PIP5K1B: variants seen among roughly 807,000 people sequenced by gnomAD.
PIP5K1B encodes the protein phosphatidylinositol 4-phosphate 5-kinase type-1 beta.
PIP5K1B carries 42 observed loss-of-function variants against 67.0 expected under a neutral mutation model. The ratio of observed to expected loss-of-function variants is 0.63; its 90% confidence interval spans 0.49 to 0.81. The LOEUF is 0.81. Among genes scored for constraint, PIP5K1B ranks in the 30% least tolerant of loss-of-function variants. The probability of loss-of-function intolerance (pLI) is 0.00; values close to 1 mark genes in which losing one functional copy is unlikely to be tolerated. For missense variants in PIP5K1B, 459 were observed against 646.3 expected (o/e 0.71, Z 3.14); for synonymous variants, 214 against 231.4 (o/e 0.92, Z 0.68).
At chr9:68,961,707 C>T (rs1370495770) in intron 14 of PIP5K1B, among the ~76,000 whole-genome samples, 1 of 152,036 alleles carries the variant, frequency 6.6e-6, no homozygotes, top group African/African-American at 2.4e-5. Flanking sequence ...GGGAAGAGAC[C>T]GTCTCTGAAT....
At chr9:68,797,468 T>C (rs1832359535) in intron 2 of PIP5K1B, among the ~76,000 whole-genome samples, 1 of 152,238 alleles carries the variant, frequency 6.6e-6, no homozygotes, top group Non-Finnish European at 1.5e-5. Context: ...TTGAATTTTT[T>C]GTTGGTGATG....
chr9:68,906,201 T>C (rs974636557), intron 8 of PIP5K1B, among the ~76,000 whole-genome samples: 1 of 152,150 alleles, frequency 6.6e-6, no homozygotes, highest in Non-Finnish European at 1.5e-5. Context: ...GTATTTTTTG[T>C]AGAGAAAGGA....
At chr9:68,906,416 G>C (rs1032061040) in intron 8 of PIP5K1B, among the ~76,000 whole-genome samples, 2 of 152,156 alleles carry the variant, frequency 1.3e-5, no homozygotes, top group Non-Finnish European at 2.9e-5. Context: ...AAATGTCCGT[G>C]GGGGGAATGT....
chr9:68,854,968 T>C (rs892699620), intron 4 of PIP5K1B, among the ~76,000 whole-genome samples: 11 of 152,222 alleles, frequency 7.2e-5, no homozygotes, highest in Admixed American at 6.5e-5. Context: ...GGATCACTTC[T>C]AAAATATGAT....
At chr9:69,008,330 C>T (rs1016583733) in intron 15 of PIP5K1B, 117 bp from the exon 16 acceptor site, 5 of 875,274 alleles carry the variant, frequency 5.7e-6, no homozygotes, top group Admixed American at 5.2e-5. Context: ...ATAATGCACC[C>T]CATTTTCCAG....
At chr9:68,976,197 C>A (rs1480911196) in intron 14 of PIP5K1B, among the ~76,000 whole-genome samples, 1 of 152,158 alleles carries the variant, frequency 6.6e-6, no homozygotes, top group African/African-American at 2.4e-5. Context: ...GTGCTTAGGC[C>A]AGGAATTGTT....
In PIP5K1B at chr9:68,789,096, G is replaced by A. The variant is rs116798724; in HGVS notation, c.-85-29365G>A. On this transcript the variant is annotated intron_variant, in intron 2 of 15. Coordinates refer to ENST00000265382, the MANE Select transcript of PIP5K1B (RefSeq NM_003558.4). ...TGTAGAACCTGATTTATCAATAATG[G>A]CATCAATCTCTTCAATCACATCAAA... The A allele has an allele frequency of 7.0e-4, 382 of 548,186 alleles. 3 individuals carry two copies. Among genetic ancestry groups the A allele is most frequent in the African/African-American group, 6.7e-3 (346 of 51,590 alleles). The allele number at this position is 548,186 out of a possible 1,614,324, so 34.0% of individuals were successfully genotyped here. A position where few individuals can be genotyped will look rare whatever the true frequency, so the allele number is the denominator to read the frequency against.
At chr9:68,900,457 T>C (rs1825303758) in intron 8 of PIP5K1B, among the ~76,000 whole-genome samples, 1 of 152,234 alleles carries the variant, frequency 6.6e-6, no homozygotes, top group South Asian at 2.1e-4. Flanking sequence ...CATTGTAATT[T>C]ACCATGATTA....
intron 2 of PIP5K1B, among the ~76,000 whole-genome samples, chr9:68,814,061 G>A (rs890182359): frequency 2.6e-5 from 4 of 152,118 alleles, no homozygotes; most frequent in Non-Finnish European, 5.9e-5. Flanking sequence ...ACCTTGATGG[G>A]GAGCTGGAGG....
At chr9:68,814,616 G>A (rs769899015) in intron 2 of PIP5K1B, among the ~76,000 whole-genome samples, 4 of 152,082 alleles carry the variant, frequency 2.6e-5, no homozygotes, top group Non-Finnish European at 5.9e-5. Context: ...AGGAGTTTGA[G>A]ACAAGCCTGG....
intron 4 of PIP5K1B, among the ~76,000 whole-genome samples, chr9:68,853,795 TGA>T (rs1421744979): frequency 6.6e-6 from 1 of 152,168 alleles, no homozygotes; most frequent in Non-Finnish European, 1.5e-5. Flanking sequence ...GCAGACCCCA[TGA>T]GAGCACCTCA....
intron 2 of PIP5K1B, among the ~76,000 whole-genome samples, chr9:68,760,638 C>T (rs999334934): frequency 9.9e-5 from 15 of 152,138 alleles, no homozygotes; most frequent in African/African-American, 3.6e-4. Context: ...TGTGGTTTAA[C>T]GTTTAGCTAA....
intron 1 of PIP5K1B, among the ~76,000 whole-genome samples, chr9:68,723,195 A>T (rs966891884): frequency 1.6e-4 from 5 of 31,976 alleles, no homozygotes; most frequent in Admixed American, 3.3e-4. Flanking sequence ...AGAGAGAGAG[A>T]GAGGGAGAGA....
intron 15 of PIP5K1B, among the ~76,000 whole-genome samples, chr9:68,994,633 T>C (rs1253852360): frequency 6.6e-6 from 1 of 152,192 alleles, no homozygotes; most frequent in African/African-American, 2.4e-5. Context: ...CATCTTTGTA[T>C]TATTAGGAAA....
chr9:68,850,349 T>C (rs4745328), intron 4 of PIP5K1B, among the ~76,000 whole-genome samples: 63,018 of 152,040 alleles, frequency 0.41, 13,216 homozygotes, highest in South Asian at 0.45. Flanking sequence ...ATCACAAGGT[T>C]TCCGAACCTC....
At chr9:68,922,460 C>CAAAAAAAAAGAAAA (rs71353092) in intron 11 of PIP5K1B, among the ~76,000 whole-genome samples, 12,262 of 128,016 alleles carry the variant, frequency 0.096, 1,043 homozygotes, top group African/African-American at 0.23. Context: ...GACTCTGTCT[C>CAAAAAAAAAGAAAA]AAAAAAAAAG....
At position 69,002,850 on chromosome 9, in the gene PIP5K1B, G is replaced by T. The variant is rs138121645; in HGVS notation, c.1621-5597G>T. On this transcript the variant is annotated intron_variant, in intron 15 of 15. Transcript: ENST00000265382. The stretch of plus-strand genomic sequence containing the variant: ...ATGCAAAAATTAGCTGGGCATGGAG[G>T]CGCATACCTGTAATCCCAGCTACTT... Among the ~76,000 whole-genome samples the T allele has an allele frequency of 5.3e-4, 81 of 152,240 alleles. 1 individual carries two copies. Among genetic ancestry groups the T allele is most frequent in the Middle Eastern group, 3.4e-3 (1 of 294 alleles).
intron 14 of PIP5K1B, among the ~76,000 whole-genome samples, chr9:68,990,359 C>A (rs898562070): frequency 6.6e-6 from 1 of 151,104 alleles, no homozygotes; most frequent in Non-Finnish European, 1.5e-5. Flanking sequence ...TTCTGAGGCA[C>A]ATGTAAGTTT....
chr9:69,006,269 TC>T (rs1831071613), intron 15 of PIP5K1B, among the ~76,000 whole-genome samples: 1 of 152,146 alleles, frequency 6.6e-6, no homozygotes, highest in Non-Finnish European at 1.5e-5. Context: ...GGGATCATTC[TC>T]AACCACTGAG....
Sources: allele counts gnomAD v4.1 joint callset (sites outside exome capture counted in the v4.1 genomes callset), GRCh38; gene constraint gnomAD v4.1.1; transcripts MANE v1.5; gene names NCBI Gene and HGNC (gene_info 2026-07-23, HGNC 2026-07-21).